The following PLAUR variants were observed in gnomAD, a reference collection of about 807,000 sequenced individuals.
The protein encoded by PLAUR is urokinase plasminogen activator surface receptor.
PLAUR carries 22 observed loss-of-function variants against 33.4 expected under a neutral mutation model. That is an observed-to-expected ratio of 0.66 (90% CI 0.47 to 0.94). The LOEUF is 0.94. Ranked by LOEUF, PLAUR falls within the 40% of genes least tolerant of loss-of-function variation. The probability of loss-of-function intolerance (pLI) is 0.00; values close to 1 mark genes in which losing one functional copy is unlikely to be tolerated. For missense variants in PLAUR, 408 were observed against 434.7 expected, an observed-to-expected ratio of 0.94 and a Z score of 0.55; for synonymous variants, 148 against 167.3, an observed-to-expected ratio of 0.88 and a Z score of 0.89.
rs760336050 is a variant in PLAUR, at chr19:43,670,028, C to T, written c.55+38G>A. 6 of 1,607,558 alleles carry T rather than the reference C, an allele frequency of 3.7e-6. No individual in the cohort carries two copies. The African/African-American group carries it at 8.0e-5, about 21-fold the overall frequency. ...CAACCCCCAACCCCCTCAATTAGACCCTGTTCCAGGCGCAGGCGTTCGGGA... is the reference window on the plus strand; with the variant it reads ...CAACCCCCAACCCCCTCAATTAGACTCTGTTCCAGGCGCAGGCGTTCGGGA... On this transcript the variant is annotated intron_variant, in intron 1 of 6. Coordinates refer to ENST00000340093, the MANE Select transcript of PLAUR (RefSeq NM_002659.4).
chr19:43,651,762 A>C (rs1440889060), intron 6 of PLAUR: 1 of 982,286 alleles, frequency 1.0e-6, no homozygotes, highest in Non-Finnish European at 1.2e-6. Context: ...AGCATGAAGA[A>C]GTTGAGACCA....
intron 3 of PLAUR, among the ~76,000 whole-genome samples, chr19:43,662,736 G>A (rs4251839): frequency 0.71 from 101,729 of 143,130 alleles, 34,996 homozygotes; most frequent in East Asian, 0.75. Context: ...TTTTTTTTTT[G>A]CAGGATCTCG....
At chr19:43,656,113 C>T (rs964475044) in intron 4 of PLAUR, among the ~76,000 whole-genome samples, 1 of 151,888 alleles carries the variant, frequency 6.6e-6, no homozygotes, top group Non-Finnish European at 1.5e-5. Context: ...ATTAGCAAGG[C>T]GTGGTGATGC....
chr19:43,655,582 G>A lies in PLAUR; in HGVS notation c.473-9C>T. The stretch of plus-strand genomic sequence containing the variant: ...GTCATCCTTTGGACGCCCTATGGGG[G>A]CCAGGGGACAGAGGTCAGATGTCAG... On this transcript the variant is annotated splice_polypyrimidine_tract_variant and intron_variant, in intron 4 of 6. Transcript: ENST00000340093. 6.2e-7 allele frequency: 1 copy of A among 1,612,682 alleles called. No homozygotes were observed. Among genetic ancestry groups the A allele is most frequent in the South Asian group, 1.1e-5 (1 of 91,008 alleles).
chr19:43,654,109 G>A (rs945364847), intron 5 of PLAUR, among the ~76,000 whole-genome samples: 16 of 150,634 alleles, frequency 1.1e-4, no homozygotes, highest in Admixed American at 3.3e-4. Context: ...GGGCAACAGC[G>A]CAAGACTCCA....
chr19:43,667,455 G>T, intron 2 of PLAUR, 126 bp downstream of exon 2: 2 of 674,328 alleles, frequency 3.0e-6, no homozygotes, highest in Non-Finnish European at 2.7e-6. Context: ...TCTGGTGGGT[G>T]TGAAATGGGC....
intron 3 of PLAUR, 87 bp downstream of exon 3, chr19:43,665,229 T>C (rs1967174007): frequency 1.4e-6 from 2 of 1,390,948 alleles, no homozygotes; most frequent in East Asian, 2.3e-5. Context: ...GTTCAGCTGA[T>C]GTAAAGTTAA....
In PLAUR at chr19:43,660,768, A is replaced by G. The variant is rs1188508627; in HGVS notation, c.311-4128T>C. 2.0e-5 allele frequency: 3 copies of G among 151,778 alleles called. No homozygotes were observed. In the East Asian group the frequency reaches 5.8e-4, roughly 29 times the overall value. The allele number at this position is 151,778 out of a possible 1,614,324, so 9.4% of individuals were successfully genotyped here. ...GTTGGGACTACAGACGCATGCCACC[A>G]TGCCTAGCTATCTTGTAAATTTTGA... On this transcript the variant is annotated intron_variant, in intron 3 of 6. Transcript: ENST00000340093.
intron 2 of PLAUR, among the ~76,000 whole-genome samples, chr19:43,666,456 C>A (rs1319182779): frequency 1.3e-5 from 2 of 151,064 alleles, no homozygotes; most frequent in African/African-American, 2.4e-5. Flanking sequence ...CCATTTTCTT[C>A]TTTTCTTTCT....
rs369505987 is a variant in PLAUR at position 43,649,160 on chromosome 19, C to T, written c.755-17G>A. On this transcript the variant is annotated splice_polypyrimidine_tract_variant and intron_variant, in intron 6 of 6. Transcript: ENST00000340093. Reference sequence around the variant, plus strand: ...TTTTCGGTTCTGAGGAAAGAGAAGACGGAGTGAGACTTCCAGCTCCTGGGC... The same window carrying T: ...TTTTCGGTTCTGAGGAAAGAGAAGATGGAGTGAGACTTCCAGCTCCTGGGC... 1.4e-5 allele frequency: 22 copies of T among 1,597,770 alleles called. No homozygotes were observed. The highest frequency in any genetic ancestry group is 1.2e-4 in the African/African-American group (9 of 74,632).
rs1967459976 is a variant in PLAUR at position 43,670,061 on chromosome 19, C to T, written c.55+5G>A. Reference sequence around the variant, plus strand: ...AGGCGCAGGCGTTCGGGACCCAGCCCCTACCTGGGACGCAGGTGTGGAGCA... The same window carrying T: ...AGGCGCAGGCGTTCGGGACCCAGCCTCTACCTGGGACGCAGGTGTGGAGCA... On this transcript the variant is annotated splice_donor_5th_base_variant and intron_variant, in intron 1 of 6. Coordinates refer to ENST00000340093, the MANE Select transcript of PLAUR (RefSeq NM_002659.4). The T allele has an allele frequency of 6.2e-7, 1 of 1,613,326 alleles. No individual in the cohort carries two copies. Among genetic ancestry groups the T allele is most frequent in the Non-Finnish European group, 8.5e-7 (1 of 1,179,662 alleles).
intron 5 of PLAUR, among the ~76,000 whole-genome samples, chr19:43,653,711 G>A (rs1053756492): frequency 2.0e-5 from 3 of 152,188 alleles, no homozygotes; most frequent in Admixed American, 6.6e-5. Context: ...CAGGTGCAGC[G>A]GCTCATGCCT....
At chr19:43,651,468 T>C (rs1973991899) in intron 6 of PLAUR, among the ~76,000 whole-genome samples, 1 of 147,782 alleles carries the variant, frequency 6.8e-6, no homozygotes, top group African/African-American at 2.5e-5. Flanking sequence ...AAAGTCTCCC[T>C]CTGTCATCCA....
intron 3 of PLAUR, among the ~76,000 whole-genome samples, chr19:43,662,727 T>C (rs920295951): frequency 3.3e-5 from 5 of 151,720 alleles, no homozygotes; most frequent in African/African-American, 1.2e-4. Flanking sequence ...ACTGTTTTTT[T>C]TTTTTTTTGC....
At chr19:43,667,055 T>TG (rs1270733872) in intron 2 of PLAUR, among the ~76,000 whole-genome samples, 6 of 151,784 alleles carry the variant, frequency 4.0e-5, no homozygotes, top group Non-Finnish European at 5.9e-5. Context: ...TTTTCCTTTT[T>TG]TGTGTGTGTG....
intron 2 of PLAUR, 133 bp from the exon 3 acceptor site, chr19:43,665,592 T>C (rs1325083462): frequency 4.0e-6 from 3 of 742,866 alleles, no homozygotes; most frequent in Non-Finnish European, 6.3e-6. Context: ...AGTCGAACTC[T>C]GTCTTTTTCT....
rs373209594 is a variant in PLAUR at position 43,656,550 on chromosome 19, C to T, written c.401G>A (p.Ser134Asn). Residue 134 changes from serine to asparagine, a missense_variant, in exon 4 of 7, where the codon AGC (serine) becomes AAC (asparagine). Physicochemically the swap from Ser to Asn is conservative, Grantham distance 46. Transcript: ENST00000340093. ...TTCTTCAGGGCTGCGGCACTGCAGG[C>T]TCTGGTGCCGGCCCCTCTCACAGCT... is the stretch of plus-strand genomic sequence containing the variant. ...DMSCERGRHQSLQCRSPEEQC... is the reference protein window; with the variant it reads ...DMSCERGRHQNLQCRSPEEQC... The T allele has an allele frequency of 1.4e-5, 23 of 1,613,078 alleles. No individual in the cohort carries two copies. Among genetic ancestry groups the T allele is most frequent in the Non-Finnish European group, 1.9e-5 (22 of 1,179,442 alleles).
chr19:43,646,339 G>A, downstream of PLAUR: 2 of 626,586 alleles, frequency 3.2e-6, no homozygotes, highest in South Asian at 1.9e-5. Flanking sequence ...CAAGTTTCCT[G>A]TTTCTTCTCT....
intron 6 of PLAUR, among the ~76,000 whole-genome samples, chr19:43,651,229 C>A (rs1973981518): frequency 6.6e-6 from 1 of 151,670 alleles, no homozygotes; most frequent in Non-Finnish European, 1.5e-5. Flanking sequence ...TAGGCATGTG[C>A]CACCATGCCC....
Sources: gnomAD v4.1 joint callset for allele counts (sites outside exome capture counted in the v4.1 genomes callset) on GRCh38, gnomAD v4.1.1 for gene constraint, MANE v1.5 for transcripts, NCBI Gene and HGNC (gene_info 2026-07-23, HGNC 2026-07-21) for gene names.